The following ZNF407 variants were observed in gnomAD, a reference collection of about 807,000 sequenced individuals.
ZNF407 encodes zinc finger protein 407.
In ZNF407, 17 loss-of-function variants were observed where a neutral mutation model predicts 131.2. That is an observed-to-expected ratio of 0.13 (90% CI 0.09 to 0.19). The LOEUF (loss-of-function observed/expected upper bound fraction) is 0.19. Ranked by LOEUF, ZNF407 falls within the 10% of genes least tolerant of loss-of-function variation. The probability of loss-of-function intolerance (pLI) is 1.00; values close to 1 mark genes in which losing one functional copy is unlikely to be tolerated. For synonymous variants in ZNF407, 1,156 were observed against 1,062.0 expected (o/e 1.09, Z -1.72); for missense variants, 2,681 against 2,830.6 (o/e 0.95, Z 1.20).
chr18:74,710,176 G>A (rs1967724158), intron 3 of ZNF407, among the ~76,000 whole-genome samples: 2 of 152,114 alleles, frequency 1.3e-5, no homozygotes, highest in Non-Finnish European at 2.9e-5. Context: ...AAGTTTTCAT[G>A]ATTTTTGCAC....
intron 4 of ZNF407, among the ~76,000 whole-genome samples, chr18:74,836,306 T>C (rs560607754): frequency 1.1e-4 from 16 of 152,336 alleles, no homozygotes; most frequent in East Asian, 1.9e-4. Flanking sequence ...GGAGCACTTA[T>C]AACAGTTACC....
At chr18:75,041,687 G>A (rs1973375947) in intron 8 of ZNF407, among the ~76,000 whole-genome samples, 1 of 152,072 alleles carries the variant, frequency 6.6e-6, no homozygotes, top group African/African-American at 2.4e-5. Context: ...TGCAGCTCTA[G>A]TGTAACTGAA....
chr18:75,011,828 T>C (rs1438114863), intron 8 of ZNF407, among the ~76,000 whole-genome samples: 1 of 152,170 alleles, frequency 6.6e-6, no homozygotes, highest in African/African-American at 2.4e-5. Context: ...GTATATTTGT[T>C]TGAAATACTT....
chr18:74,776,639 A>T (rs996337545), intron 3 of ZNF407, among the ~76,000 whole-genome samples: 5 of 152,146 alleles, frequency 3.3e-5, no homozygotes, highest in African/African-American at 1.2e-4. Context: ...ACAGTCATCC[A>T]TAGGAAACTG....
chr18:74,838,948 T>G (rs1169861252), intron 4 of ZNF407, among the ~76,000 whole-genome samples: 4 of 152,232 alleles, frequency 2.6e-5, no homozygotes, highest in Non-Finnish European at 4.4e-5. Context: ...ATTTATATAC[T>G]TCTGTTTCCT....
chr18:74,754,195 C>G (rs1316901007), intron 3 of ZNF407, among the ~76,000 whole-genome samples: 2 of 151,882 alleles, frequency 1.3e-5, no homozygotes, highest in African/African-American at 2.4e-5. Context: ...TGGTGCTATC[C>G]CCTTTATCAT....
chr18:74,921,420 T>G (rs1971845126), intron 8 of ZNF407, among the ~76,000 whole-genome samples: 1 of 152,202 alleles, frequency 6.6e-6, no homozygotes, highest in Non-Finnish European at 1.5e-5. Context: ...CGAGGACCTC[T>G]TTGAGGAGTA....
At chr18:74,782,253 C>G (rs569626498) in intron 4 of ZNF407, among the ~76,000 whole-genome samples, 5 of 152,302 alleles carry the variant, frequency 3.3e-5, no homozygotes, top group Admixed American at 3.3e-4. Context: ...CAGATACTCT[C>G]AGAAACTTTA....
At chr18:74,976,255 G>C (rs1465933470) in intron 8 of ZNF407, among the ~76,000 whole-genome samples, 6 of 152,206 alleles carry the variant, frequency 3.9e-5, no homozygotes, top group Non-Finnish European at 7.3e-5. Flanking sequence ...CATTAGTAGA[G>C]TAGTTTACGT....
chr18:74,679,733 C>T (rs1489939663), intron 3 of ZNF407, among the ~76,000 whole-genome samples: 2 of 152,176 alleles, frequency 1.3e-5, no homozygotes, highest in Non-Finnish European at 2.9e-5. Context: ...GGTGTGTACA[C>T]TCAGGAGTTA....
chr18:74,767,928 G>A (rs923604067), intron 3 of ZNF407, among the ~76,000 whole-genome samples: 1 of 150,314 alleles, frequency 6.7e-6, no homozygotes, highest in Admixed American at 6.7e-5. Context: ...GGCCTCCCAA[G>A]TGCTGGGATT....
chr18:74,603,681 C>T (rs1982679097), intron 1 of ZNF407, among the ~76,000 whole-genome samples: 1 of 152,158 alleles, frequency 6.6e-6, no homozygotes, highest in Admixed American at 6.5e-5. Context: ...TTTCTTTATT[C>T]TTAAGCATTT....
intron 8 of ZNF407, among the ~76,000 whole-genome samples, chr18:74,991,976 G>T (rs991979563): frequency 3.3e-5 from 5 of 152,134 alleles, no homozygotes; most frequent in Non-Finnish European, 1.5e-5. Flanking sequence ...CTCCAGCTTC[G>T]CATGGCACCA....
In ZNF407 at chr18:74,635,255, A is replaced by G. The variant is rs943407247; in HGVS notation, c.4236A>G (p.Thr1412=). 1 of 1,614,020 alleles carries G rather than the reference A, an allele frequency of 6.2e-7. No individual in the cohort carries two copies. ...AGGGCAGTTCCATTGGTGAGTCTACACGAATTCGCTGTGATGATTGTGGCT... is the reference window on the plus strand; with the variant it reads ...AGGGCAGTTCCATTGGTGAGTCTACGCGAATTCGCTGTGATGATTGTGGCT... ...KSEGSSIGES[T]RIRCDDCGFL... is the part of the protein sequence containing the mutation. Residue 1412 remains threonine (T), a synonymous_variant, in exon 2 of 9, where the codon ACA becomes ACG. Transcript: ENST00000299687. This position sits in a 1 kb window ranked among gnomAD's most constrained non-coding sequence, Gnocchi z 4.7.
intron 3 of ZNF407, among the ~76,000 whole-genome samples, chr18:74,714,711 G>T (rs1967849815): frequency 2.0e-5 from 3 of 151,914 alleles, no homozygotes. Context: ...TATCATATGT[G>T]GGTTGAACAA....
At chr18:74,681,315 A>C (rs372765202) in intron 3 of ZNF407, among the ~76,000 whole-genome samples, 7 of 152,144 alleles carry the variant, frequency 4.6e-5, no homozygotes, top group African/African-American at 1.7e-4. Flanking sequence ...AGCTCACTGC[A>C]GCCTTGAACT....
chr18:74,763,969 T>C (rs1327554244), intron 3 of ZNF407, among the ~76,000 whole-genome samples: 1 of 151,984 alleles, frequency 6.6e-6, no homozygotes, highest in Non-Finnish European at 1.5e-5. Flanking sequence ...CGCCTCGGCC[T>C]CCCAAAGTGC....
At chr18:74,844,080 G>C (rs2628130) in intron 4 of ZNF407, among the ~76,000 whole-genome samples, 4 of 152,172 alleles carry the variant, frequency 2.6e-5, no homozygotes, top group Non-Finnish European at 5.9e-5. Context: ...GCACTGCCAC[G>C]AAACATTGTC....
intron 3 of ZNF407, among the ~76,000 whole-genome samples, chr18:74,770,250 T>A (rs1363432668): frequency 6.6e-6 from 1 of 152,006 alleles, no homozygotes. Context: ...AAAATAAAAA[T>A]TAGCTGGGTG....
Sources: gnomAD v4.1 joint callset for allele counts (sites outside exome capture counted in the v4.1 genomes callset) on GRCh38, gnomAD v4.1.1 for gene constraint, Gnocchi (gnomAD v3.1) non-coding constraint, MANE v1.5 for transcripts, NCBI Gene and HGNC (gene_info 2026-07-23, HGNC 2026-07-21) for gene names.